COX7A2: variants seen among roughly 807,000 people sequenced by gnomAD.
The protein encoded by COX7A2 is cytochrome c oxidase subunit 7A2, mitochondrial.
Under a neutral mutation model 11.6 loss-of-function variants are expected in COX7A2, and 11 were observed. The observed-to-expected ratio is 0.95, with a 90% CI of 0.60 to 1.57. The LOEUF is 1.57. Among genes scored for constraint, COX7A2 ranks in the 40% most tolerant of loss-of-function variants. The pLI is 0.00. For synonymous variants in COX7A2, 30 were observed against 38.2 expected, an observed-to-expected ratio of 0.78 and a Z score of 0.79; for missense variants, 106 against 100.9, an observed-to-expected ratio of 1.05 and a Z score of -0.22.
At chr6:75,240,259 T>C (rs1022145680) in intron 3 of COX7A2, 42 bp downstream of exon 3, 4 of 1,396,324 alleles carry the variant, frequency 2.9e-6, no homozygotes, top group Non-Finnish European at 4.0e-6. Flanking sequence ...TTATCATTAC[T>C]ATTACTTTTC....
intron 1 of COX7A2, 137 bp downstream of exon 1, chr6:75,243,580 G>A: frequency 1.3e-5 from 10 of 762,096 alleles, no homozygotes; most frequent in Non-Finnish European, 2.2e-5. Context: ...TAAGGTCAGG[G>A]AAAAAGGACA....
chr6:75,240,268 T>G (rs1771452863), intron 3 of COX7A2, 33 bp downstream of exon 3: 1 of 1,491,462 alleles, frequency 6.7e-7, no homozygotes, highest in Admixed American at 1.8e-5. Flanking sequence ...CTATTACTTT[T>G]CTATAAACCT....
rs200706977 is a variant in COX7A2 at position 75,242,825 on chromosome 6, A to AAAAAT, written c.18+887_18+891dup. On this transcript the variant is annotated intron_variant, in intron 1 of 3. Transcript: ENST00000684430. ...CAGAGTGAGACTACGTCTCAAAAAA[A>AAAAAT]AAAATAAAATAAAATAAAATAAAAT... Among the ~76,000 whole-genome samples the AAAAAT allele has an allele frequency of 6.0e-3, 61 of 10,232 alleles. No individual in the cohort carries two copies. The South Asian group carries it at 0.11, about 19-fold the overall frequency. The allele number at this position is 10,232 out of a possible 152,430, so 6.7% of individuals were successfully genotyped here.
At chr6:75,245,158 C>T (rs1423017470), upstream of COX7A2, among the ~76,000 whole-genome samples, 7 of 152,190 alleles carry the variant, frequency 4.6e-5, no homozygotes, top group Non-Finnish European at 1.0e-4. Context: ...CAATTAATTA[C>T]ATTGGGTGAC....
Position 75,241,292 on chromosome 6 carries a change from C to T in COX7A2, c.19-27G>A, listed in dbSNP as rs191388851. 130 of 1,484,330 alleles carry T rather than the reference C, an allele frequency of 8.8e-5. No homozygotes were observed. The African/African-American group carries it at 1.7e-3, about 19-fold the overall frequency. The allele number at this position is 1,484,330 out of a possible 1,614,324, so 91.9% of individuals were successfully genotyped here. ...TAAAATGAAAATATTATTAAATAGACTTAGAGCCTAAAGAAACCTTCAAAA... is the reference window on the plus strand; with the variant it reads ...TAAAATGAAAATATTATTAAATAGATTTAGAGCCTAAAGAAACCTTCAAAA... On this transcript the variant is annotated intron_variant, in intron 1 of 3. Transcript: ENST00000684430.
intron 3 of COX7A2, among the ~76,000 whole-genome samples, chr6:75,239,141 T>C (rs1408703174): frequency 6.6e-6 from 1 of 152,174 alleles, no homozygotes; most frequent in Non-Finnish European, 1.5e-5. Flanking sequence ...AACTGGTAAA[T>C]GTGTTTCCCC....
chr6:75,244,702 TAAG>T, upstream of COX7A2, among the ~76,000 whole-genome samples: 4 of 152,356 alleles, frequency 2.6e-5, no homozygotes, highest in South Asian at 8.3e-4. Context: ...CCATTTCAAA[TAAG>T]AAACCCATAG....
upstream of COX7A2, among the ~76,000 whole-genome samples, chr6:75,245,536 G>A (rs1771663705): frequency 1.3e-5 from 2 of 148,332 alleles, no homozygotes; most frequent in South Asian, 4.2e-4. Flanking sequence ...AGATCCTAAA[G>A]TAGACATAGA....
intron 1 of COX7A2, 148 bp downstream of exon 1, chr6:75,243,569 G>C (rs1562372757): frequency 7.0e-6 from 5 of 711,426 alleles, no homozygotes; most frequent in Non-Finnish European, 9.7e-6. Context: ...GGAAGGGAAA[G>C]TAAGGTCAGG....
chr6:75,244,101 T>C (rs1342487638), upstream of COX7A2: 1 of 278,192 alleles, frequency 3.6e-6, no homozygotes, highest in African/African-American at 2.2e-5. Context: ...GTGTCTGTTT[T>C]GAGCGAGAAG....
chr6:75,243,885 G>T, upstream of COX7A2: 1 of 1,540,034 alleles, frequency 6.5e-7, no homozygotes, highest in South Asian at 1.1e-5. Flanking sequence ...TAACCATAGA[G>T]AGCAAAAGAA....
At chr6:75,244,006 G>C, upstream of COX7A2, 2 of 564,062 alleles carry the variant, frequency 3.5e-6, no homozygotes, top group Non-Finnish European at 6.3e-6. Context: ...TGGAGCTAAG[G>C]CTGGGGAAAA....
At chr6:75,247,533 T>C (rs1771706023), upstream of COX7A2, among the ~76,000 whole-genome samples, 1 of 152,212 alleles carries the variant, frequency 6.6e-6, no homozygotes, top group East Asian at 1.9e-4. Flanking sequence ...GCTATCTTAG[T>C]TGCTGTATTA....
intron 1 of COX7A2, among the ~76,000 whole-genome samples, chr6:75,242,163 G>C (rs1397419916): frequency 6.6e-6 from 1 of 151,720 alleles, no homozygotes; most frequent in Non-Finnish European, 1.5e-5. Context: ...TCGCCCCATT[G>C]CACTACAGAC....
upstream of COX7A2, among the ~76,000 whole-genome samples, chr6:75,244,568 A>C (rs1385438035): frequency 6.7e-6 from 1 of 150,264 alleles, no homozygotes; most frequent in African/African-American, 2.5e-5. Context: ...CATTTTGCTT[A>C]AGTAATCCCC....
upstream of COX7A2, among the ~76,000 whole-genome samples, chr6:75,247,688 T>C (rs868149709): frequency 6.6e-6 from 1 of 150,966 alleles, no homozygotes; most frequent in African/African-American, 2.5e-5. Flanking sequence ...GACTAATCTC[T>C]GATTTTTTTT....
chr6:75,239,307 A>G (rs1415426556), intron 3 of COX7A2, among the ~76,000 whole-genome samples: 1 of 152,184 alleles, frequency 6.6e-6, no homozygotes, highest in Non-Finnish European at 1.5e-5. Flanking sequence ...ACTGAACTGG[A>G]GGACACCTAG....
At chr6:75,240,137 G>A (rs1276398118) in intron 3 of COX7A2, 164 bp downstream of exon 3, 1 of 634,052 alleles carries the variant, frequency 1.6e-6, no homozygotes, top group African/African-American at 1.9e-5. Flanking sequence ...CTCTTATACA[G>A]TATGTATCAG....
In COX7A2 at chr6:75,241,333, C is replaced by A; in HGVS notation, c.19-68G>T. 3.0e-6 allele frequency: 4 copies of A among 1,323,008 alleles called. No homozygotes were observed. The South Asian group carries it at 7.9e-5, about 26-fold the overall frequency. 82.0% of individuals were successfully genotyped at this position (1,323,008 alleles called of 1,614,324 possible). ...ACCTTCAAAACCAACTATTTTCAGT[C>A]GTTCATATTATAGAAAAGGTAAATT... On this transcript the variant is annotated intron_variant, in intron 1 of 3. Transcript: ENST00000684430.
Sources: gnomAD v4.1 joint callset for allele counts (sites outside exome capture counted in the v4.1 genomes callset) on GRCh38, gnomAD v4.1.1 for gene constraint, MANE v1.5 for transcripts, NCBI Gene and HGNC (gene_info 2026-07-23, HGNC 2026-07-21) for gene names.